The following VN1R4 variants were observed in gnomAD, a reference collection of about 807,000 sequenced individuals.
VN1R4 encodes vomeronasal type-1 receptor 4.
For synonymous variants in VN1R4, 97 were observed against 138.8 expected, an observed-to-expected ratio of 0.70 and a Z score of 2.12; for missense variants, 291 against 364.2, an observed-to-expected ratio of 0.80 and a Z score of 1.64.
rs376570211 is a variant in VN1R4 at position 53,266,755 on chromosome 19, T to C, written c.*5A>G. On this transcript the variant is annotated 3_prime_UTR_variant, in exon 1 of 1. Transcript: ENST00000311170. The stretch of plus-strand genomic sequence containing the variant: ...ACATGTTTATGATGAGGTTAGGAGA[T>C]CTTGTCATCTTTTCCAGGCAAAACA... 5 of 1,594,638 alleles carry C rather than the reference T, an allele frequency of 3.1e-6. No individual in the cohort carries two copies. In the African/African-American group the frequency reaches 5.4e-5, roughly 17 times the overall value.
At chr19:53,266,715 A>C in exon 1 of VN1R4, 1 of 1,516,562 alleles carries the variant, frequency 6.6e-7, no homozygotes, top group Non-Finnish European at 8.8e-7. Context: ...AACCATGAGC[A>C]AATATATACA....
chr19:53,267,114 T>C lies in VN1R4; in HGVS notation c.552A>G (p.Leu184=), dbSNP rs759410772. Residue 184 remains leucine (L), a synonymous_variant, in exon 1 of 1, where the codon TTA becomes TTG. Transcript: ENST00000311170. The stretch of plus-strand genomic sequence containing the variant: ...CCAGACACAACACATCAGGGAATGA[T>C]AACAACATTGCACGCAGTGTCTGTG... The C allele has an allele frequency of 1.9e-6, 3 of 1,612,500 alleles. No individual in the cohort carries two copies. The South Asian group carries it at 3.3e-5, about 18-fold the overall frequency.
At position 53,266,878 on chromosome 19, in the gene VN1R4, T is replaced by C. The variant is rs548129961; in HGVS notation, c.788A>G (p.Asn263Ser). The C allele has an allele frequency of 6.8e-6, 11 of 1,614,096 alleles. No individual in the cohort carries two copies. The highest frequency in any genetic ancestry group is 5.5e-5 in the South Asian group (5 of 91,074). ...GGCTGAAGTGTTCACCAGTAAACTA[T>C]TGGGATTATCCAAAAGAGCCATACA... Residue 263 changes from asparagine to serine, a missense_variant, in exon 1 of 1, where the codon AAT becomes AGT. Transcript: ENST00000311170.
At chr19:53,266,871 T>C (rs1439606738) in exon 1 of VN1R4, 9 of 1,614,062 alleles carry the variant, frequency 5.6e-6, no homozygotes, top group Non-Finnish European at 7.6e-6. Flanking sequence ...TGTTCACCAG[T>C]AAACTATTGG....
At chr19:53,266,739 T>A in exon 1 of VN1R4, 1 of 1,569,134 alleles carries the variant, frequency 6.4e-7, no homozygotes, top group Non-Finnish European at 8.6e-7. Context: ...TACATGTTTA[T>A]GATGAGGTTA....
chr19:53,267,438 A>T (rs1186773216), exon 1 of VN1R4: 1 of 1,614,222 alleles, frequency 6.2e-7, no homozygotes, highest in South Asian at 1.1e-5. Context: ...ACCCAAGAGC[A>T]TTGAGAAAAT....
exon 1 of VN1R4, chr19:53,267,213 G>T (rs1232921487): frequency 6.2e-7 from 1 of 1,610,596 alleles, no homozygotes; most frequent in Admixed American, 1.7e-5. Context: ...AGTTCCATTT[G>T]CCAGTCACAT....
At position 53,267,001 on chromosome 19, in the gene VN1R4, G is replaced by C. The variant is rs1297104617; in HGVS notation, c.665C>G (p.Ser222Cys). ...TCTGTTCTCTGGGGAGGCTCTGGGG[G>C]AGAGATTGCTCCTATCAATGTGCTG... The change falls in exon 1 of 1, where the codon TCC (serine) becomes TGC (cysteine). Residue 222 changes from serine (S) to cysteine (C), a missense_variant. Transcript: ENST00000311170. The C allele has an allele frequency of 1.9e-6, 3 of 1,601,638 alleles. No homozygotes were observed. The Admixed American group carries it at 5.1e-5, about 27-fold the overall frequency.
rs994360389 is a variant in VN1R4 at position 53,266,701 on chromosome 19, A to G, written c.*59T>C. 5.4e-6 allele frequency: 8 copies of G among 1,490,568 alleles called. No homozygotes were observed. In the African/African-American group the frequency reaches 1.1e-4, roughly 21 times the overall value. 92.3% of individuals were successfully genotyped at this position (1,490,568 alleles called of 1,614,324 possible). A position where few individuals can be genotyped will look rare whatever the true frequency, so the allele number is the denominator to read the frequency against. ...TGCGGCACAGAAGAGTAAGTCATCA[A>G]TTGAACCATGAGCAAATATATACAA... On this transcript the variant is annotated 3_prime_UTR_variant, in exon 1 of 1. Transcript: ENST00000311170.
At chr19:53,267,128 G>A (rs764126508) in exon 1 of VN1R4, 28 of 1,611,088 alleles carry the variant, frequency 1.7e-5, no homozygotes, top group South Asian at 4.4e-5. Context: ...AACATTGCAC[G>A]CAGTGTCTGT....
exon 1 of VN1R4, chr19:53,267,553 C>G (rs1170091728): frequency 6.2e-7 from 1 of 1,613,862 alleles, no homozygotes; most frequent in Non-Finnish European, 8.5e-7. Flanking sequence ...GGACCTTAAC[C>G]TGCACCCAGT....
At chr19:53,267,406 T>C in exon 1 of VN1R4, 4 of 1,614,070 alleles carry the variant, frequency 2.5e-6, no homozygotes, top group Non-Finnish European at 3.4e-6. Flanking sequence ...GCCCACTCTA[T>C]GGAGATAGAA....
chr19:53,267,373 G>A (rs536692433), exon 1 of VN1R4: 3 of 1,613,746 alleles, frequency 1.9e-6, no homozygotes, highest in Non-Finnish European at 2.5e-6. Flanking sequence ...CAAGAGGCAG[G>A]TGGTGCCAAT....
exon 1 of VN1R4, chr19:53,266,727 T>G (rs1002945503): frequency 6.5e-7 from 1 of 1,548,546 alleles, no homozygotes. Flanking sequence ...ATATATACAA[T>G]GTACATGTTT....
exon 1 of VN1R4, chr19:53,266,762 A>G (rs2091349895): frequency 6.3e-7 from 1 of 1,597,826 alleles, no homozygotes; most frequent in East Asian, 2.2e-5. Context: ...AGATCTTGTC[A>G]TCTTTTCCAG....
chr19:53,267,007 T>G, exon 1 of VN1R4: 1 of 1,603,080 alleles, frequency 6.2e-7, no homozygotes, highest in Non-Finnish European at 8.5e-7. Flanking sequence ...GGGGGAGAGA[T>G]TGCTCCTATC....
exon 1 of VN1R4, chr19:53,266,778 A>G (rs764612784): frequency 1.4e-5 from 23 of 1,605,348 alleles, no homozygotes; most frequent in Non-Finnish European, 2.0e-5. Flanking sequence ...TCCAGGCAAA[A>G]CAAAACCTGT....
At chr19:53,266,706 A>C (rs2091349456) in exon 1 of VN1R4, 2 of 1,499,948 alleles carry the variant, frequency 1.3e-6, no homozygotes, top group Non-Finnish European at 1.8e-6. Flanking sequence ...CATCAATTGA[A>C]CCATGAGCAA....
At chr19:53,267,306 T>G (rs775175689) in exon 1 of VN1R4, 18 of 1,614,022 alleles carry the variant, frequency 1.1e-5, no homozygotes, top group African/African-American at 8.0e-5. Context: ...GGGCTTTCTC[T>G]TTAAGTTTTG....
Sources: allele counts gnomAD v4.1 joint callset, GRCh38; gene constraint gnomAD v4.1.1; transcripts MANE v1.5; gene names NCBI Gene and HGNC (gene_info 2026-07-23, HGNC 2026-07-21).